Variants in CPPED1 observed in about 807,000 individuals in gnomAD.
The protein encoded by CPPED1 is serine/threonine-protein phosphatase CPPED1.
Under a neutral mutation model 28.0 loss-of-function variants are expected in CPPED1, and 28 were observed. That is an observed-to-expected ratio of 1.00 (90% CI 0.74 to 1.37). The LOEUF (loss-of-function observed/expected upper bound fraction) is 1.37, where lower values mean the gene tolerates loss of function less well. Among genes scored for constraint, CPPED1 ranks in the 40% most tolerant of loss-of-function variants. The pLI, the probability that CPPED1 is intolerant of heterozygous loss-of-function variation, is 0.00. For missense variants in CPPED1, 504 were observed against 416.5 expected (o/e 1.21, Z -1.83); for synonymous variants, 198 against 180.2 (o/e 1.10, Z -0.79).
chr16:12,732,494 G>GGAGA lies in CPPED1; in HGVS notation c.290-27449_290-27446dup, dbSNP rs35298221. 1.3e-3 allele frequency among the ~76,000 whole-genome samples: 196 copies of GGAGA among 145,422 alleles called. 1 individual carries two copies. Among genetic ancestry groups the GGAGA allele is most frequent in the African/African-American group, 4.6e-3 (180 of 39,282 alleles). On this transcript the variant is annotated intron_variant, in intron 2 of 3. Coordinates refer to ENST00000381774, the MANE Select transcript of CPPED1 (RefSeq NM_018340.3). ...CACACAAACACACACACACACAGATGGAGAGAGAGAGAGAGAGAGAGAGAC... is the reference window on the plus strand; with the variant it reads ...CACACAAACACACACACACACAGATGGAGAGAGAGAGAGAGAGAGAGAGAGAGAC...
chr16:12,782,403 A>G (rs1047340639), intron 1 of CPPED1, among the ~76,000 whole-genome samples: 2 of 152,262 alleles, frequency 1.3e-5, no homozygotes, highest in Admixed American at 1.3e-4. Context: ...CTGGGGCTGG[A>G]CACGGCACAG....
intron 2 of CPPED1, among the ~76,000 whole-genome samples, chr16:12,735,809 G>A (rs1030313657): frequency 3.3e-5 from 5 of 152,238 alleles, no homozygotes; most frequent in East Asian, 1.9e-4. Flanking sequence ...GGTGCCGTGA[G>A]AAGTCTCTCT....
At chr16:12,666,697 A>G (rs1425809304) in intron 3 of CPPED1, among the ~76,000 whole-genome samples, 1 of 152,198 alleles carries the variant, frequency 6.6e-6, no homozygotes, top group Non-Finnish European at 1.5e-5. Flanking sequence ...ATAGAGATAC[A>G]AGAGCTGCCA....
intron 1 of CPPED1, among the ~76,000 whole-genome samples, chr16:12,800,251 C>G (rs2080651130): frequency 6.6e-6 from 1 of 152,130 alleles, no homozygotes; most frequent in African/African-American, 2.4e-5. Context: ...CCAGCCTGGC[C>G]AACATGGCGA....
Position 12,781,127 on chromosome 16 carries a change from A to T in CPPED1, c.289+58T>A. The T allele has an allele frequency of 2.0e-6, 3 of 1,495,386 alleles. No individual in the cohort carries two copies. In the South Asian group the frequency reaches 3.5e-5, roughly 18 times the overall value. The allele number at this position is 1,495,386 out of a possible 1,614,324, so 92.6% of individuals were successfully genotyped here. On this transcript the variant is annotated intron_variant, in intron 2 of 3. Coordinates refer to ENST00000381774, the MANE Select transcript of CPPED1 (RefSeq NM_018340.3). ...AGCAAAATCTTTTTTTCTCCTGCCC[A>T]AATGCAGTCATGACCGGCTGAAGGA...
At chr16:12,776,699 T>A (rs576332627) in intron 2 of CPPED1, among the ~76,000 whole-genome samples, 1 of 152,270 alleles carries the variant, frequency 6.6e-6, no homozygotes, top group African/African-American at 2.4e-5. Flanking sequence ...GGCAGGTGGA[T>A]CACGAGGTCA....
chr16:12,784,486 T>C (rs1460042456), intron 1 of CPPED1, among the ~76,000 whole-genome samples: 3 of 151,316 alleles, frequency 2.0e-5, no homozygotes, highest in African/African-American at 4.9e-5. Context: ...TCCCTACAAA[T>C]GAGGCATTAG....
intron 2 of CPPED1, chr16:12,753,367 T>A (rs1567296403): frequency 1.3e-5 from 2 of 152,148 alleles, no homozygotes; most frequent in Non-Finnish European, 2.9e-5. Context: ...AGCTGTGAAA[T>A]CCTACGAAGC....
intron 2 of CPPED1, among the ~76,000 whole-genome samples, chr16:12,722,399 A>G (rs1465392413): frequency 6.6e-6 from 1 of 152,228 alleles, no homozygotes; most frequent in Non-Finnish European, 1.5e-5. Flanking sequence ...ACAGTTTGCA[A>G]TGAGGAAGAA....
intron 3 of CPPED1, among the ~76,000 whole-genome samples, chr16:12,676,545 T>G (rs1435472634): frequency 6.6e-6 from 1 of 152,112 alleles, no homozygotes; most frequent in African/African-American, 2.4e-5. Flanking sequence ...TGGATTCACA[T>G]AGCTAAGATG....
chr16:12,777,332 A>C (rs1313804550), intron 2 of CPPED1, among the ~76,000 whole-genome samples: 1 of 152,208 alleles, frequency 6.6e-6, no homozygotes, highest in Non-Finnish European at 1.5e-5. Flanking sequence ...TAAAGGTATC[A>C]TCATGTTCTG....
intron 2 of CPPED1, among the ~76,000 whole-genome samples, chr16:12,758,242 C>T (rs190429405): frequency 6.6e-6 from 1 of 152,204 alleles, no homozygotes; most frequent in East Asian, 1.9e-4. Flanking sequence ...CTCCAAGCAA[C>T]CGAGGAATAC....
intron 3 of CPPED1, among the ~76,000 whole-genome samples, chr16:12,686,091 G>C (rs2079931392): frequency 6.6e-6 from 1 of 152,176 alleles, no homozygotes; most frequent in Admixed American, 6.5e-5. Context: ...CTGAGCTGGG[G>C]TGATGGGAGT....
intron 2 of CPPED1, chr16:12,761,273 T>C (rs1196893833): frequency 3.2e-5 from 3 of 94,938 alleles, no homozygotes; most frequent in Non-Finnish European, 5.7e-5. Flanking sequence ...CCAGACTCTG[T>C]CTCAAAAAAA....
intron 1 of CPPED1, among the ~76,000 whole-genome samples, chr16:12,801,409 G>A (rs2080658838): frequency 6.6e-6 from 1 of 151,690 alleles, no homozygotes; most frequent in African/African-American, 2.4e-5. Flanking sequence ...AAATATATAG[G>A]CGTGAGCCAC....
intron 3 of CPPED1, among the ~76,000 whole-genome samples, chr16:12,673,690 G>C (rs565782709): frequency 2.8e-4 from 42 of 152,242 alleles, no homozygotes; most frequent in African/African-American, 9.9e-4. Flanking sequence ...AACGTCCGAA[G>C]TCACAGAAAA....
intron 1 of CPPED1, among the ~76,000 whole-genome samples, chr16:12,787,973 T>G (rs1046344616): frequency 6.6e-6 from 1 of 152,136 alleles, no homozygotes; most frequent in African/African-American, 2.4e-5. Context: ...ACTTACATAG[T>G]GGTTAGTAGG....
intron 2 of CPPED1, among the ~76,000 whole-genome samples, chr16:12,731,420 A>G (rs1247354922): frequency 2.0e-5 from 3 of 151,716 alleles, no homozygotes; most frequent in Non-Finnish European, 2.9e-5. Context: ...GAGAGGCAGC[A>G]GAGACTGCTG....
At chr16:12,673,683 G>A (rs887505762) in intron 3 of CPPED1, among the ~76,000 whole-genome samples, 1 of 152,100 alleles carries the variant, frequency 6.6e-6, no homozygotes, top group Non-Finnish European at 1.5e-5. Context: ...TATTGTTAAC[G>A]TCCGAAGTCA....
Sources: allele counts gnomAD v4.1 joint callset (sites outside exome capture counted in the v4.1 genomes callset), GRCh38; gene constraint gnomAD v4.1.1; transcripts MANE v1.5; gene names NCBI Gene and HGNC (gene_info 2026-07-23, HGNC 2026-07-21).